Variants in SLC35F4 observed in about 807,000 individuals in gnomAD.
The protein encoded by SLC35F4 is solute carrier family 35 member F4, also known as chromosome 14 open reading frame 36.
Under a neutral mutation model 44.2 loss-of-function variants are expected in SLC35F4, and 24 were observed. That is an observed-to-expected ratio of 0.54 (90% CI 0.39 to 0.76). The LOEUF (loss-of-function observed/expected upper bound fraction) is 0.76. SLC35F4 is among the 30% of genes least tolerant of loss of function. The pLI is 0.00. For synonymous variants in SLC35F4, 238 were observed against 223.6 expected (o/e 1.06, Z -0.57); for missense variants, 562 against 586.1 (o/e 0.96, Z 0.42).
chr14:57,818,456 A>C (rs1882837232), intron 1 of SLC35F4, among the ~76,000 whole-genome samples: 1 of 152,174 alleles, frequency 6.6e-6, no homozygotes. Flanking sequence ...GGGCAAAGAA[A>C]GGATCACTGT....
chr14:57,589,816 C>A (rs1007501055), intron 2 of SLC35F4, among the ~76,000 whole-genome samples: 5 of 152,182 alleles, frequency 3.3e-5, no homozygotes, highest in African/African-American at 1.2e-4. Flanking sequence ...ATCCCAGCCC[C>A]CAAAGACTGG....
intron 1 of SLC35F4, among the ~76,000 whole-genome samples, chr14:57,835,797 C>T (rs1884858169): frequency 6.6e-6 from 1 of 152,244 alleles, no homozygotes; most frequent in African/African-American, 2.4e-5. Flanking sequence ...CATGTTAAAA[C>T]CTAAGTGTTA....
intron 1 of SLC35F4, among the ~76,000 whole-genome samples, chr14:57,913,170 G>A (rs1477334501): frequency 6.6e-6 from 1 of 151,830 alleles, no homozygotes; most frequent in Non-Finnish European, 1.5e-5. Context: ...TATTTAAAGT[G>A]TGTTTCTTGA....
chr14:57,670,299 T>A (rs946267347), intron 1 of SLC35F4, among the ~76,000 whole-genome samples: 8 of 152,154 alleles, frequency 5.3e-5, no homozygotes, highest in Admixed American at 4.6e-4. Context: ...TTCATTGAAT[T>A]TTTTGAAGGG....
chr14:57,896,913 T>C (rs1888884921), intron 1 of SLC35F4, among the ~76,000 whole-genome samples: 1 of 151,160 alleles, frequency 6.6e-6, no homozygotes, highest in Admixed American at 6.6e-5. Flanking sequence ...CTTTAATTGT[T>C]TTCATTGATT....
At chr14:57,707,848 T>C (rs2075716619) in intron 1 of SLC35F4, among the ~76,000 whole-genome samples, 1 of 152,200 alleles carries the variant, frequency 6.6e-6, no homozygotes, top group South Asian at 2.1e-4. Context: ...ACTGATTCCA[T>C]CTTGCTTCTA....
chr14:57,727,099 T>A (rs1432158334), intron 1 of SLC35F4, among the ~76,000 whole-genome samples: 1 of 149,954 alleles, frequency 6.7e-6, no homozygotes, highest in Non-Finnish European at 1.5e-5. Flanking sequence ...TCGTGTGAGT[T>A]AATACTTAAT....
At chr14:57,752,873 C>A (rs542516485) in intron 1 of SLC35F4, among the ~76,000 whole-genome samples, 1 of 152,314 alleles carries the variant, frequency 6.6e-6, no homozygotes, top group African/African-American at 2.4e-5. Flanking sequence ...ACAAATGAAC[C>A]TGCTGTTGCT....
chr14:57,668,866 C>G lies in SLC35F4; in HGVS notation c.104-74742G>C, dbSNP rs538339118. Among the ~76,000 whole-genome samples, 971 of 152,010 alleles carry G rather than the reference C, an allele frequency of 6.4e-3. 18 individuals carry two copies. Among genetic ancestry groups the G allele is most frequent in the African/African-American group, 0.021 (868 of 41,388 alleles). ...AAGTAGTTTTTTCCAATTCTGTGAACAAAGTCATTGGTAGCTTGATGGGGA... is the reference window on the plus strand; with the variant it reads ...AAGTAGTTTTTTCCAATTCTGTGAAGAAAGTCATTGGTAGCTTGATGGGGA... On this transcript the variant is annotated intron_variant, in intron 1 of 7. Transcript: ENST00000556826.
chr14:57,755,083 C>T (rs2076965934), intron 1 of SLC35F4, among the ~76,000 whole-genome samples: 1 of 152,194 alleles, frequency 6.6e-6, no homozygotes, highest in Non-Finnish European at 1.5e-5. Context: ...CAGCCTGGCT[C>T]CTGTCCCATG....
At chr14:57,753,311 A>C (rs966964329) in intron 1 of SLC35F4, among the ~76,000 whole-genome samples, 1 of 152,182 alleles carries the variant, frequency 6.6e-6, no homozygotes, top group African/African-American at 2.4e-5. Flanking sequence ...CAGTGATTAG[A>C]TTCTCCTCTG....
At chr14:57,884,283 T>C (rs540193494) in intron 1 of SLC35F4, among the ~76,000 whole-genome samples, 2 of 152,212 alleles carry the variant, frequency 1.3e-5, no homozygotes, top group African/African-American at 4.8e-5. Context: ...TTTCGTCATA[T>C]AAGTAATCAC....
At chr14:57,690,643 C>T (rs529584795) in intron 1 of SLC35F4, among the ~76,000 whole-genome samples, 100 of 151,856 alleles carry the variant, frequency 6.6e-4, no homozygotes, top group Non-Finnish European at 1.3e-3. Context: ...TATAATTATA[C>T]GACTCACCAT....
intron 1 of SLC35F4, among the ~76,000 whole-genome samples, chr14:57,740,947 G>A (rs540592158): frequency 3.9e-5 from 6 of 152,258 alleles, no homozygotes; most frequent in East Asian, 3.9e-4. Context: ...TGCAGCCTCC[G>A]CTGGTGATAC....
chr14:57,578,325 G>GTTTGTTTT (rs2068957220), intron 4 of SLC35F4, among the ~76,000 whole-genome samples: 1 of 43,116 alleles, frequency 2.3e-5, no homozygotes, highest in African/African-American at 8.0e-5. Flanking sequence ...CCCTTTAACT[G>GTTTGTTTT]TTTTTTTTTT....
intron 1 of SLC35F4, among the ~76,000 whole-genome samples, chr14:57,628,132 T>G (rs2140118445): frequency 6.6e-6 from 1 of 152,098 alleles, no homozygotes; most frequent in Middle Eastern, 3.4e-3. Context: ...CCTCCTGAAG[T>G]CCCCAGATGT....
intron 1 of SLC35F4, among the ~76,000 whole-genome samples, chr14:57,775,479 A>T (rs1248158427): frequency 6.6e-6 from 1 of 152,232 alleles, no homozygotes; most frequent in African/African-American, 2.4e-5. Context: ...CAGATAACAA[A>T]GCTGAGGTCA....
At chr14:57,777,888 T>A (rs2077528234) in intron 1 of SLC35F4, among the ~76,000 whole-genome samples, 1 of 151,582 alleles carries the variant, frequency 6.6e-6, no homozygotes, top group Non-Finnish European at 1.5e-5. Flanking sequence ...ACCCATAAAC[T>A]CAAAAAAGAG....
chr14:57,791,178 A>G (rs1013742750), intron 1 of SLC35F4, among the ~76,000 whole-genome samples: 1 of 152,228 alleles, frequency 6.6e-6, no homozygotes, highest in African/African-American at 2.4e-5. Flanking sequence ...TAAAGAAACT[A>G]TCATCGGAGT....
Sources: gnomAD v4.1 joint callset for allele counts (sites outside exome capture counted in the v4.1 genomes callset) on GRCh38, gnomAD v4.1.1 for gene constraint, MANE v1.5 for transcripts, NCBI Gene and HGNC (gene_info 2026-07-23, HGNC 2026-07-21) for gene names.